PCCA: variants seen among roughly 807,000 people sequenced by gnomAD.
PCCA encodes propionyl-CoA carboxylase alpha chain, mitochondrial.
A neutral mutation model predicts 101.3 loss-of-function variants in PCCA; 74 were observed. That is an observed-to-expected ratio of 0.73 (90% CI 0.61 to 0.89). The LOEUF is 0.89. PCCA is among the 40% of genes least tolerant of loss of function. The probability of loss-of-function intolerance (pLI) is 0.00; values close to 1 mark genes in which losing one functional copy is unlikely to be tolerated. For missense variants in PCCA, 891 were observed against 907.0 expected (o/e 0.98, Z 0.23); for synonymous variants, 294 against 313.6 (o/e 0.94, Z 0.66).
intron 6 of PCCA, among the ~76,000 whole-genome samples, chr13:100,192,092 G>A (rs1243158229): frequency 6.6e-6 from 1 of 152,182 alleles, no homozygotes; most frequent in African/African-American, 2.4e-5. Context: ...GGAAAGAATT[G>A]CCTTTGTCTT....
intron 6 of PCCA, among the ~76,000 whole-genome samples, chr13:100,185,436 C>G (rs1262727362): frequency 6.6e-6 from 1 of 151,060 alleles, no homozygotes; most frequent in East Asian, 1.9e-4. Flanking sequence ...TGCAGCCTCA[C>G]CCTCTTGGGC....
intron 10 of PCCA, among the ~76,000 whole-genome samples, chr13:100,267,458 CTTTA>C (rs1253698948): frequency 6.6e-5 from 10 of 152,096 alleles, no homozygotes; most frequent in Non-Finnish European, 7.4e-5. Context: ...TAGCCATGAT[CTTTA>C]TTTGATTTTT....
At chr13:100,213,913 C>T (rs1334775903) in intron 7 of PCCA, among the ~76,000 whole-genome samples, 3 of 152,126 alleles carry the variant, frequency 2.0e-5, no homozygotes, top group Non-Finnish European at 2.9e-5. Context: ...TTGTATATGG[C>T]AAGAGATAAG....
At chr13:100,240,276 C>T (rs577167556) in intron 8 of PCCA, among the ~76,000 whole-genome samples, 8 of 152,084 alleles carry the variant, frequency 5.3e-5, no homozygotes, top group Non-Finnish European at 1.2e-4. Context: ...GCTTTTCTCT[C>T]CAGTCTTATT....
At chr13:100,251,473 T>G (rs907067221) in intron 8 of PCCA, among the ~76,000 whole-genome samples, 2 of 152,200 alleles carry the variant, frequency 1.3e-5, no homozygotes, top group African/African-American at 4.8e-5. Flanking sequence ...ATGTTATTCT[T>G]TAGGCAGTTT....
chr13:100,215,451 T>C (rs2059456443), intron 7 of PCCA, among the ~76,000 whole-genome samples: 1 of 152,106 alleles, frequency 6.6e-6, no homozygotes, highest in Non-Finnish European at 1.5e-5. Context: ...AAAAGACTGC[T>C]GGAAGGTGGG....
At chr13:100,374,080 C>G (rs2075749851) in intron 19 of PCCA, among the ~76,000 whole-genome samples, 1 of 151,944 alleles carries the variant, frequency 6.6e-6, no homozygotes, top group Non-Finnish European at 1.5e-5. Context: ...CCACTGCACT[C>G]TAGCCTGGGT....
intron 18 of PCCA, among the ~76,000 whole-genome samples, chr13:100,349,656 A>G (rs534266175): frequency 7.8e-4 from 119 of 152,350 alleles, no homozygotes; most frequent in African/African-American, 2.8e-3. Flanking sequence ...ACTATGGCCT[A>G]TAATATTAAT....
chr13:100,090,419 A>G (rs189951938), intron 1 of PCCA, among the ~76,000 whole-genome samples: 117 of 152,310 alleles, frequency 7.7e-4, no homozygotes, highest in African/African-American at 2.6e-3. Context: ...ATGCATTTAC[A>G]TAGGAGGCAA....
intron 9 of PCCA, among the ~76,000 whole-genome samples, chr13:100,261,454 T>C (rs1225023496): frequency 1.3e-5 from 2 of 151,920 alleles, no homozygotes; most frequent in East Asian, 3.9e-4. Flanking sequence ...TAGCCTCTGC[T>C]TCCCAGGTTC....
At chr13:100,092,252 C>G (rs918800400) in intron 1 of PCCA, among the ~76,000 whole-genome samples, 1 of 152,082 alleles carries the variant, frequency 6.6e-6, no homozygotes, top group South Asian at 2.1e-4. Flanking sequence ...CTTATAACAA[C>G]TAGGTAAAAA....
At chr13:100,225,154 G>A (rs748356782) in intron 7 of PCCA, among the ~76,000 whole-genome samples, 12 of 152,134 alleles carry the variant, frequency 7.9e-5, no homozygotes, top group Non-Finnish European at 1.8e-4. Flanking sequence ...GGATAGAAAC[G>A]GTAGACCCCT....
At chr13:100,383,884 G>A (rs977395286) in intron 19 of PCCA, among the ~76,000 whole-genome samples, 1 of 151,976 alleles carries the variant, frequency 6.6e-6, no homozygotes, top group Non-Finnish European at 1.5e-5. Context: ...AATTATATAC[G>A]CATTGTTTGA....
At position 100,519,424 on chromosome 13, in the gene PCCA, C is replaced by T. The variant is rs143318196; in HGVS notation, c.2040+3857C>T. On this transcript the variant is annotated intron_variant, in intron 22 of 23. Coordinates refer to ENST00000376285, the MANE Select transcript of PCCA (RefSeq NM_000282.4). ...CCTTCAGCAGGGGACAGTGAGGTGT[C>T]TGCGGTTGTTCCTCTTGTGAACAAC... is the stretch of plus-strand genomic sequence containing the variant. Among the ~76,000 whole-genome samples the T allele has an allele frequency of 2.6e-5, 4 of 152,380 alleles. No individual in the cohort carries two copies. In the East Asian group the frequency reaches 7.7e-4, roughly 29 times the overall value.
At chr13:100,271,375 T>C (rs2063303055) in intron 11 of PCCA, among the ~76,000 whole-genome samples, 1 of 151,928 alleles carries the variant, frequency 6.6e-6, no homozygotes, top group Non-Finnish European at 1.5e-5. Context: ...ACTTCCCACC[T>C]GTGAACTCTT....
chr13:100,459,287 T>C (rs1367377001), intron 21 of PCCA, among the ~76,000 whole-genome samples: 3 of 152,182 alleles, frequency 2.0e-5, no homozygotes, highest in African/African-American at 4.8e-5. Context: ...TGAGTAGATA[T>C]GAATTTTGGG....
At chr13:100,277,670 A>T (rs1400410708) in intron 12 of PCCA, among the ~76,000 whole-genome samples, 2 of 152,138 alleles carry the variant, frequency 1.3e-5, no homozygotes, top group Non-Finnish European at 2.9e-5. Context: ...AATCTCATGC[A>T]TTTGCACATC....
At chr13:100,320,250 T>C (rs1200880437) in intron 16 of PCCA, among the ~76,000 whole-genome samples, 1 of 152,202 alleles carries the variant, frequency 6.6e-6, no homozygotes, top group Non-Finnish European at 1.5e-5. Context: ...TTTCTAGATA[T>C]ACAATCATGT....
At chr13:100,185,602 G>A (rs115466168) in intron 6 of PCCA, among the ~76,000 whole-genome samples, 2,255 of 151,426 alleles carry the variant, frequency 0.015, 63 homozygotes, top group African/African-American at 0.052. Context: ...CTGCCTTGGC[G>A]CCTCCCAAAG....
Sources: allele counts gnomAD v4.1 joint callset (sites outside exome capture counted in the v4.1 genomes callset), GRCh38; gene constraint gnomAD v4.1.1; transcripts MANE v1.5; gene names NCBI Gene and HGNC (gene_info 2026-07-23, HGNC 2026-07-21).